The following UGT2B11 variants were observed in gnomAD, a reference collection of about 807,000 sequenced individuals.
The protein encoded by UGT2B11 is UDP-glucuronosyltransferase 2B11.
Under a neutral mutation model 51.7 loss-of-function variants are expected in UGT2B11, and 49 were observed. The ratio of observed to expected loss-of-function variants is 0.95; its 90% CI spans 0.75 to 1.20. The LOEUF (loss-of-function observed/expected upper bound fraction) is 1.20, where lower values mean the gene tolerates loss of function less well. UGT2B11 is among the 50% of genes most tolerant of loss of function. The pLI is 0.00. For synonymous variants in UGT2B11, 273 were observed against 209.0 expected (o/e 1.31, Z -2.64); for missense variants, 810 against 622.1 (o/e 1.30, Z -3.21).
intron 3 of UGT2B11, chr4:69,205,785 A>T: frequency 2.1e-6 from 1 of 478,328 alleles, no homozygotes; most frequent in South Asian, 5.2e-5. Context: ...CCATAGAAAA[A>T]TAAGACTATC....
intron 2 of UGT2B11, among the ~76,000 whole-genome samples, chr4:69,212,296 A>G (rs191658231): frequency 8.5e-4 from 129 of 151,720 alleles, no homozygotes; most frequent in Non-Finnish European, 4.1e-4. Flanking sequence ...TGAATGAATG[A>G]CCAATACCTT....
intron 2 of UGT2B11, 143 bp downstream of exon 2, chr4:69,212,430 G>T: frequency 7.2e-7 from 1 of 1,395,266 alleles, no homozygotes; most frequent in South Asian, 1.4e-5. Flanking sequence ...ACATATACAT[G>T]AGTTTCTAAT....
rs1721710760 is a variant in UGT2B11, at chr4:69,202,913, C to T, written c.1310+1517G>A. ...TCCTTTAGATGATACCCTCCTTACA[C>T]AAAAACTTTATTGAGAGTAGTTATA... On this transcript the variant is annotated intron_variant, in intron 5 of 5. Transcript: ENST00000446444. 2.0e-5 allele frequency among the ~76,000 whole-genome samples: 3 copies of T among 151,700 alleles called. No homozygotes were observed. The South Asian group carries it at 6.2e-4, about 31-fold the overall frequency.
At chr4:69,202,539 C>T (rs1380053429) in intron 5 of UGT2B11, among the ~76,000 whole-genome samples, 6 of 151,470 alleles carry the variant, frequency 4.0e-5, no homozygotes, top group Admixed American at 6.6e-5. Context: ...AAATATTTGA[C>T]GTACTCTAGG....
Position 69,200,637 on chromosome 4 carries a change from C to T in UGT2B11, c.1393G>A (p.Glu465Lys). ...GCTCCTTTGTGGGGCATGACAAATT[C>T]AATCCAGAAGACTGCTCGATCCAGG... ...KPLDRAVFWIEFVMPHKGAKH... is the reference protein window; with the variant it reads ...KPLDRAVFWIKFVMPHKGAKH... Residue 465 changes from glutamate (E) to lysine (K), a missense_variant, in exon 6 of 6, where the codon GAA becomes AAA. By Grantham distance (56) the Glu-to-Lys change is moderately conservative. Coordinates refer to ENST00000446444, the MANE Select transcript of UGT2B11 (RefSeq NM_001073.3). The T allele has an allele frequency of 1.2e-6, 2 of 1,612,402 alleles. No homozygotes were observed. Among genetic ancestry groups the T allele is most frequent in the East Asian group, 4.5e-5 (2 of 44,738 alleles).
Position 69,208,419 on chromosome 4 carries a change from C to A in UGT2B11, c.934G>T (p.Val312Leu), listed in dbSNP as rs1479081901. The change falls in exon 3 of 6, where the codon GTG becomes TTG. Residue 312 changes from valine (V) to leucine (L), a missense_variant. Physicochemically the swap from Val to Leu is conservative, Grantham distance 32. Transcript: ENST00000446444. ...CTTTCTGCTGTCATGTTACTTATCA[C>A]TGACCCCAGAGAAAACACCACAACA... ...NGVVVFSLGS[V>L]ISNMTAERAN... 25 of 1,610,554 alleles carry A rather than the reference C, an allele frequency of 1.6e-5. No homozygotes were observed. Among genetic ancestry groups the A allele is most frequent in the Non-Finnish European group, 2.0e-5 (24 of 1,178,192 alleles).
chr4:69,210,913 G>A (rs575463185), intron 2 of UGT2B11, among the ~76,000 whole-genome samples: 52 of 151,594 alleles, frequency 3.4e-4, no homozygotes, highest in Non-Finnish European at 7.4e-5. Flanking sequence ...AAATATGTGA[G>A]GTTCTTGTGT....
the UGT2B11 span, among the ~76,000 whole-genome samples, chr4:69,220,146 G>C: frequency 3.3e-5 from 5 of 152,136 alleles, no homozygotes; most frequent in African/African-American, 9.7e-5. Flanking sequence ...CCGAAATCCA[G>C]GTAAGGCAAT....
chr4:69,203,408 A>G lies in UGT2B11; in HGVS notation c.1310+1022T>C, dbSNP rs370107724. Among the ~76,000 whole-genome samples the G allele has an allele frequency of 1.9e-4, 29 of 151,928 alleles. No individual in the cohort carries two copies. The South Asian group carries it at 3.7e-3, about 20-fold the overall frequency. ...GGAACCATGTTGTACTGCTGATGGT[A>G]GTGATGAATGCAACAAGTACTTTGG... On this transcript the variant is annotated intron_variant, in intron 5 of 5. Transcript: ENST00000446444.
At chr4:69,205,000 G>T (rs1249474309) in intron 4 of UGT2B11, among the ~76,000 whole-genome samples, 1 of 151,704 alleles carries the variant, frequency 6.6e-6, no homozygotes, top group Non-Finnish European at 1.5e-5. Context: ...ATGCAAGGCA[G>T]CAGGCAGTGG....
intron 2 of UGT2B11, among the ~76,000 whole-genome samples, chr4:69,210,135 T>A (rs1471502376): frequency 6.6e-6 from 1 of 151,526 alleles, no homozygotes. Context: ...TCCAACTCAC[T>A]TTATTTGTAC....
intron 4 of UGT2B11, 148 bp downstream of exon 4, chr4:69,205,332 C>A (rs1721808757): frequency 2.9e-6 from 3 of 1,050,072 alleles, no homozygotes; most frequent in East Asian, 2.7e-5. Context: ...GCCAACAATT[C>A]TACCATATTC....
In UGT2B11 at chr4:69,214,700, A is replaced by T; in HGVS notation, c.23T>A (p.Val8Asp). MTLKWTS[V>D]LLLIHLSCYF... ...ACAACTGAGATGTATCAGCAGAAGA[A>T]CTGAAGTCCATTTCAGAGTCATCCT... Residue 8 changes from valine (V) to aspartate (D), a missense_variant, in exon 1 of 6, where the codon GTT (valine) becomes GAT (aspartate). Transcript: ENST00000446444. The T allele has an allele frequency of 6.2e-7, 1 of 1,612,558 alleles. No individual in the cohort carries two copies.
upstream of UGT2B11, chr4:69,215,683 T>C (rs1017676694): frequency 4.6e-5 from 7 of 152,022 alleles, no homozygotes; most frequent in South Asian, 8.3e-4. Context: ...ATATAACCTT[T>C]TGAGGAATTG....
intron 5 of UGT2B11, 53 bp downstream of exon 5, chr4:69,204,377 A>G: frequency 6.2e-7 from 1 of 1,604,516 alleles, no homozygotes. Context: ...CTCACTATTG[A>G]CAAGAGAAGC....
intron 5 of UGT2B11, among the ~76,000 whole-genome samples, chr4:69,202,865 G>T (rs1721709272): frequency 6.6e-6 from 1 of 151,264 alleles, no homozygotes; most frequent in Admixed American, 6.6e-5. Context: ...CATTTTCTTT[G>T]GGATAAAGTA....
chr4:69,223,238 T>G, the UGT2B11 span, among the ~76,000 whole-genome samples: 1 of 152,308 alleles, frequency 6.6e-6, no homozygotes, highest in East Asian at 1.9e-4. Context: ...GGGTTGAATT[T>G]GTCTCAGTTA....
At position 69,208,431 on chromosome 4, in the gene UGT2B11, A is replaced by C; in HGVS notation, c.922T>G (p.Ser308Ala). Residue 308 changes from serine (S) to alanine (A), a missense_variant, in exon 3 of 6, where the codon TCT becomes GCT. By Grantham distance (99) the Ser-to-Ala change is moderately conservative. Coordinates refer to ENST00000446444, the MANE Select transcript of UGT2B11 (RefSeq NM_001073.3). ...ATGTTACTTATCACTGACCCCAGAGAAAACACCACAACACCATTTTCTCCA... is the reference window on the plus strand; with the variant it reads ...ATGTTACTTATCACTGACCCCAGAGCAAACACCACAACACCATTTTCTCCA... The part of the protein sequence containing the change: ...SSGENGVVVF[S>A]LGSVISNMTA... 1 of 1,610,302 alleles carries C rather than the reference A, an allele frequency of 6.2e-7. No individual in the cohort carries two copies. The highest frequency in any genetic ancestry group is 8.5e-7 in the Non-Finnish European group (1 of 1,178,180).
chr4:69,201,009 T>C (rs1721638975), intron 5 of UGT2B11, among the ~76,000 whole-genome samples: 4 of 151,266 alleles, frequency 2.6e-5, no homozygotes, highest in Admixed American at 2.6e-4. Flanking sequence ...TTGTTTAATG[T>C]TAAGTTTTTG....
Sources: gnomAD v4.1 joint callset for allele counts (sites outside exome capture counted in the v4.1 genomes callset) on GRCh38, gnomAD v4.1.1 for gene constraint, MANE v1.5 for transcripts, NCBI Gene and HGNC (gene_info 2026-07-23, HGNC 2026-07-21) for gene names.